P3H1: variants seen among roughly 807,000 people sequenced by gnomAD.
P3H1 encodes prolyl 3-hydroxylase 1.
A neutral mutation model predicts 84.0 loss-of-function variants in P3H1; 69 were observed. The ratio of observed to expected loss-of-function variants is 0.82; its 90% CI spans 0.68 to 1.00. The LOEUF (loss-of-function observed/expected upper bound fraction) is 1.00, where lower values mean the gene tolerates loss of function less well. Among genes scored for constraint, P3H1 ranks in the 50% least tolerant of loss-of-function variants. The pLI is 0.00. For synonymous variants in P3H1, 366 were observed against 388.8 expected, an observed-to-expected ratio of 0.94 and a Z score of 0.69; for missense variants, 878 against 962.8, an observed-to-expected ratio of 0.91 and a Z score of 1.17.
At chr1:42,747,512 T>C in intron 13 of P3H1, 100 bp from the exon 14 acceptor site, 1 of 1,249,416 alleles carries the variant, frequency 8.0e-7, no homozygotes, top group Non-Finnish European at 1.2e-6. Flanking sequence ...CGAGGGCAGC[T>C]CTTCAGTATG....
chr1:42,747,521 T>A, intron 13 of P3H1, 109 bp from the exon 14 acceptor site: 1 of 1,197,608 alleles, frequency 8.3e-7, no homozygotes, highest in Middle Eastern at 1.9e-4. Context: ...CTCTTCAGTA[T>A]GGCTTCCCTA....
rs1281150531 is a variant in P3H1, at chr1:42,757,772, A to C, written c.1080+11T>G. On this transcript the variant is annotated intron_variant, in intron 5 of 14. Transcript: ENST00000296388. Reference sequence around the variant, plus strand: ...AGCTGGCAGCTGTCATAACAGAAGGAAGTCTCTCACCTCACGGGGGCCGAT... The same window carrying C: ...AGCTGGCAGCTGTCATAACAGAAGGCAGTCTCTCACCTCACGGGGGCCGAT... 1 of 1,614,210 alleles carries C rather than the reference A, an allele frequency of 6.2e-7. No individual in the cohort carries two copies. Among genetic ancestry groups the C allele is most frequent in the East Asian group, 2.2e-5 (1 of 44,882 alleles).
At chr1:42,749,960 C>T (rs1465627495) in intron 11 of P3H1, 6 of 566,272 alleles carry the variant, frequency 1.1e-5, no homozygotes, top group East Asian at 3.1e-5. Flanking sequence ...TTTCTGGCTG[C>T]ACCCCATTTC....
intron 5 of P3H1, among the ~76,000 whole-genome samples, chr1:42,756,633 C>A (rs1652419060): frequency 1.3e-5 from 2 of 152,212 alleles, no homozygotes; most frequent in Non-Finnish European, 2.9e-5. Context: ...TGGCTTCTGT[C>A]ACCAAATGCT....
At position 42,750,346 on chromosome 1, in the gene P3H1, A is replaced by T; in HGVS notation, c.1570-10T>A. On this transcript the variant is annotated splice_polypyrimidine_tract_variant and intron_variant, in intron 10 of 14. Transcript: ENST00000296388. ...TGCCTTCTTGCCCCAGCTGCCAAGGAGACAGATGGTCAGCTGCCCTCAACG... is the reference window on the plus strand; with the variant it reads ...TGCCTTCTTGCCCCAGCTGCCAAGGTGACAGATGGTCAGCTGCCCTCAACG... 2.5e-6 allele frequency: 4 copies of T among 1,613,926 alleles called. No homozygotes were observed. Among genetic ancestry groups the T allele is most frequent in the Non-Finnish European group, 3.4e-6 (4 of 1,179,972 alleles).
intron 5 of P3H1, among the ~76,000 whole-genome samples, chr1:42,757,280 C>T (rs945487715): frequency 6.6e-6 from 1 of 152,048 alleles, no homozygotes; most frequent in African/African-American, 2.4e-5. Context: ...CTCCTTTCAG[C>T]GCAGCAGTCT....
rs752897218 is a variant in P3H1, at chr1:42,747,237, C to T, written c.2055+35G>A. 8 of 1,614,056 alleles carry T rather than the reference C, an allele frequency of 5.0e-6. No homozygotes were observed. The Admixed American group carries it at 1.2e-4, about 24-fold the overall frequency. On this transcript the variant is annotated intron_variant, in intron 14 of 14. Transcript: ENST00000296388. ...GCGCTCTGGGAACGGGTCACCACAG[C>T]ACCAGCTGCTCTCACCCGCTCGAGC...
Position 42,746,597 on chromosome 1 carries a change from T to C in P3H1, c.*100A>G, listed in dbSNP as rs149749326. On this transcript the variant is annotated 3_prime_UTR_variant, in exon 15 of 15. Transcript: ENST00000296388. Reference sequence around the variant, plus strand: ...GGTCCCCTCGGCTGAGTGGCAGATGTAGGCTCACTGCTCTGCAGCCCCGAG... The same window carrying C: ...GGTCCCCTCGGCTGAGTGGCAGATGCAGGCTCACTGCTCTGCAGCCCCGAG... The C allele has an allele frequency of 6.0e-5, 58 of 962,416 alleles. 1 individual carries two copies. The African/African-American group carries it at 7.3e-4, about 12-fold the overall frequency. 59.6% of individuals were successfully genotyped at this position (962,416 alleles called of 1,614,324 possible).
Position 42,755,621 on chromosome 1 carries a change from C to T in P3H1, c.1097G>A (p.Arg366Gln), listed in dbSNP as rs781162194. The T allele has an allele frequency of 1.2e-5, 20 of 1,613,740 alleles. No individual in the cohort carries two copies. Among genetic ancestry groups the T allele is most frequent in the Admixed American group, 1.2e-4 (7 of 60,000 alleles). The change falls in exon 6 of 15, where the codon CGA becomes CAA. Residue 366 changes from arginine to glutamine, a missense_variant. By Grantham distance (43) the Arg-to-Gln change is conservative (BLOSUM62 1). Transcript: ENST00000296388. ...IGPRESAKEY[R>Q]QRSLLEKELL... ...TTCTTTTTCCAGTAGGCTTCGCTGT[C>T]GGTACTCCTTGGCACTCTGAGGGTA...
At chr1:42,750,785 T>C (rs1334643517) in intron 10 of P3H1, among the ~76,000 whole-genome samples, 1 of 122,642 alleles carries the variant, frequency 8.2e-6, no homozygotes, top group Admixed American at 7.9e-5. Flanking sequence ...AGGACCCCTC[T>C]GCCCGGCCAG....
Position 42,748,244 on chromosome 1 carries a change from G to A in P3H1, c.1794C>T (p.Leu598=), listed in dbSNP as rs1343750686. 8 of 1,613,846 alleles carry A rather than the reference G, an allele frequency of 5.0e-6. No individual in the cohort carries two copies. Among genetic ancestry groups the A allele is most frequent in the East Asian group, 2.2e-5 (1 of 44,882 alleles). ...VDNCILNAET[L]VCVKEPPAYT... is the part of the protein sequence containing the mutation. ...AGGCTGGGGGCTCTTTGACACACAC[G>A]AGGGTCTCGGCATTCAGGATGCAGT... is the stretch of plus-strand genomic sequence containing the variant. Residue 598 remains leucine, a synonymous_variant, in exon 12 of 15, where the codon CTC becomes CTT. Transcript: ENST00000296388.
At position 42,754,976 on chromosome 1, in the gene P3H1, G is replaced by C; in HGVS notation, c.1238C>G (p.Thr413Arg). 1.9e-6 allele frequency: 3 copies of C among 1,614,186 alleles called. No homozygotes were observed. Among genetic ancestry groups the C allele is most frequent in the Non-Finnish European group, 2.5e-6 (3 of 1,180,036 alleles). ...LQEKQKSERE[T>R]AVRISQEIGN... ...AATCTCCTGGGAGATGCGTACGGCT[G>C]TTTCCCGTTCTGACCTATGAGCACA... Residue 413 changes from threonine (T) to arginine (R), a missense_variant, in exon 8 of 15, where the codon ACA (threonine) becomes AGA (arginine). Physicochemically the swap from Thr to Arg is moderately conservative, Grantham distance 71. Coordinates refer to ENST00000296388, the MANE Select transcript of P3H1 (RefSeq NM_022356.4). The surrounding 1 kb of genome is among the most constrained non-coding windows in gnomAD (Gnocchi z 4.0).
Position 42,759,394 on chromosome 1 carries a change from C to T in P3H1, c.619-4G>A. ...GCACTCCCAGTCGAAATTCTTGCTA[C>T]TGGGAAGAAGGAGCACTCAAATGCA... On this transcript the variant is annotated splice_region_variant and splice_polypyrimidine_tract_variant and intron_variant, in intron 2 of 14. Coordinates refer to ENST00000296388, the MANE Select transcript of P3H1 (RefSeq NM_022356.4). 1.9e-6 allele frequency: 3 copies of T among 1,613,930 alleles called. No individual in the cohort carries two copies. The highest frequency in any genetic ancestry group is 2.2e-5 in the South Asian group (2 of 91,052).
In P3H1 at chr1:42,746,942, G is replaced by T. The variant is rs146531186; in HGVS notation, c.2056-90C>A. The T allele has an allele frequency of 7.4e-5, 119 of 1,614,158 alleles. No homozygotes were observed. The African/African-American group carries it at 1.3e-3, about 18-fold the overall frequency. On this transcript the variant is annotated intron_variant, in intron 14 of 14. Transcript: ENST00000296388. ...TGCTACTTCCCAGGGGACAAGGAAG[G>T]TTCCTTAATGGCCCCAGGCTCATCT...
At chr1:42,752,410 C>A in intron 9 of P3H1, 41 bp from the exon 10 acceptor site, 2 of 1,611,296 alleles carry the variant, frequency 1.2e-6, no homozygotes, top group Non-Finnish European at 1.7e-6. Flanking sequence ...GCCAGGGCAG[C>A]TGAGGGCTTG....
rs1189026410 is a variant in P3H1, at chr1:42,759,291, C to T, written c.718G>A (p.Glu240Lys). ...AALQEYFVAYEECRALCEGPY... is the reference protein window; with the variant it reads ...AALQEYFVAYKECRALCEGPY... ...CCTTCGCAGAGGGCACGGCACTCCTCATAGGCCACAAAGTATTCTTGCAGC... is the reference window on the plus strand; with the variant it reads ...CCTTCGCAGAGGGCACGGCACTCCTTATAGGCCACAAAGTATTCTTGCAGC... Residue 240 changes from glutamate (E) to lysine (K), a missense_variant, in exon 3 of 15, where the codon GAG becomes AAG. Transcript: ENST00000296388. The T allele has an allele frequency of 3.1e-6, 5 of 1,614,054 alleles. No homozygotes were observed. In the South Asian group the frequency reaches 5.5e-5, roughly 18 times the overall value.
At chr1:42,760,354 T>A (rs1287585982) in intron 2 of P3H1, 7 of 152,068 alleles carry the variant, frequency 4.6e-5, no homozygotes, top group Non-Finnish European at 1.0e-4. Context: ...TTTTGTTTTG[T>A]TTTGAGACAG....
intron 10 of P3H1, 33 bp from the exon 11 acceptor site, chr1:42,750,369 A>G (rs2124094526): frequency 6.2e-7 from 1 of 1,612,932 alleles, no homozygotes; most frequent in East Asian, 2.2e-5. Flanking sequence ...GCTGCCCTCA[A>G]CGACTGATAT....
rs987649911 is a variant in P3H1, at chr1:42,752,742, G to C, written c.1346-78C>G. ...ACTCTCCATTGGATATTGCCTCCTC[G>C]TCACAAATAGAAATTCCAGCTGTTT... On this transcript the variant is annotated intron_variant, in intron 8 of 14. Coordinates refer to ENST00000296388, the MANE Select transcript of P3H1 (RefSeq NM_022356.4). 3.8e-6 allele frequency: 6 copies of C among 1,562,142 alleles called. No homozygotes were observed. In the East Asian group the frequency reaches 1.4e-4, roughly 35 times the overall value.
Sources: gnomAD v4.1 joint callset for allele counts (sites outside exome capture counted in the v4.1 genomes callset) on GRCh38, gnomAD v4.1.1 for gene constraint, Gnocchi (gnomAD v3.1) non-coding constraint, MANE v1.5 for transcripts, NCBI Gene and HGNC (gene_info 2026-07-23, HGNC 2026-07-21) for gene names.